MRPS18B: variants seen among roughly 807,000 people sequenced by gnomAD.
The protein encoded by MRPS18B is small ribosomal subunit protein mS40.
In MRPS18B, 27 loss-of-function variants were observed where a neutral mutation model predicts 28.4. The ratio of observed to expected loss-of-function variants is 0.95; its 90% CI spans 0.70 to 1.31. The LOEUF (loss-of-function observed/expected upper bound fraction) is 1.31, where lower values mean the gene tolerates loss of function less well. MRPS18B is among the 40% of genes most tolerant of loss of function. MRPS18B has a pLI of 0.00. For missense variants in MRPS18B, 343 were observed against 335.9 expected (o/e 1.02, Z -0.17); for synonymous variants, 118 against 123.7 (o/e 0.95, Z 0.30).
chr6:30,618,185 G>C (rs980878883), intron 1 of MRPS18B, among the ~76,000 whole-genome samples: 2 of 151,266 alleles, frequency 1.3e-5, no homozygotes, highest in African/African-American at 4.9e-5. Context: ...TAACTTAAGT[G>C]ATGGAATTGA....
At chr6:30,620,668 C>T (rs1761101484) in intron 4 of MRPS18B, among the ~76,000 whole-genome samples, 1 of 151,876 alleles carries the variant, frequency 6.6e-6, no homozygotes, top group Non-Finnish European at 1.5e-5. Context: ...CTTCTGGGTT[C>T]AAGCGATTCT....
intron 4 of MRPS18B, among the ~76,000 whole-genome samples, chr6:30,622,572 A>C (rs1761228231): frequency 6.6e-6 from 1 of 150,844 alleles, no homozygotes; most frequent in African/African-American, 2.4e-5. Flanking sequence ...AAAAAAAAAA[A>C]AAAAAAAAAA....
rs1045311675 is a variant in MRPS18B, at chr6:30,623,139, C to T, written c.421+241C>T. The stretch of plus-strand genomic sequence containing the variant: ...ATCCCAGCACTTTGGGAGGCCGAGG[C>T]GGCTGGATCACCTGAGGTTGGGAGT... On this transcript the variant is annotated intron_variant, in intron 5 of 6. Transcript: ENST00000259873. 6.6e-6 allele frequency among the ~76,000 whole-genome samples: 1 copy of T among 152,102 alleles called. No homozygotes were observed. Among genetic ancestry groups the T allele is most frequent in the African/African-American group, 2.4e-5 (1 of 41,424 alleles).
At position 30,624,906 on chromosome 6, in the gene MRPS18B, C is replaced by T. The variant is rs151108350; in HGVS notation, c.445C>T (p.Arg149Trp). Residue 149 changes from arginine (R) to tryptophan (W), a missense_variant, in exon 6 of 7, where the codon CGG becomes TGG. Arg to Trp is a moderately radical substitution (Grantham distance 101). Coordinates refer to ENST00000259873, the MANE Select transcript of MRPS18B (RefSeq NM_014046.4). ...YTGVCVKQHK[R>W]LTQAIQKARD... ...AGGAGTCTGTGTGAAGCAGCACAAG[C>T]GGTTGACCCAGGCCATCCAGAAAGC... The T allele has an allele frequency of 1.1e-5, 18 of 1,612,836 alleles. No individual in the cohort carries two copies. The highest frequency in any genetic ancestry group is 4.0e-5 in the African/African-American group (3 of 74,902).
At chr6:30,618,085 C>A (rs889363442) in intron 1 of MRPS18B, 142 bp downstream of exon 1, 9 of 807,260 alleles carry the variant, frequency 1.1e-5, no homozygotes, top group Admixed American at 6.8e-5. Context: ...CAACCCCCCC[C>A]CCACACCCCG....
In MRPS18B at chr6:30,625,250, G is replaced by C. The variant is rs139351978; in HGVS notation, c.482-252G>C. 4.6e-5 allele frequency among the ~76,000 whole-genome samples: 7 copies of C among 152,254 alleles called. No homozygotes were observed. The East Asian group carries it at 1.4e-3, about 29-fold the overall frequency. On this transcript the variant is annotated intron_variant, in intron 6 of 6. Coordinates refer to ENST00000259873, the MANE Select transcript of MRPS18B (RefSeq NM_014046.4). ...GCACTGCTGCATAAGTTAGTAAAAA[G>C]TATACCCCTCTGCTAGGGCAGATGC...
At chr6:30,624,233 C>T (rs1430155583) in intron 5 of MRPS18B, among the ~76,000 whole-genome samples, 1 of 152,128 alleles carries the variant, frequency 6.6e-6, no homozygotes, top group Non-Finnish European at 1.5e-5. Flanking sequence ...GCTGGGATTA[C>T]AGGCACGTGC....
rs1016791077 is a variant in MRPS18B at position 30,617,943 on chromosome 6, G to T, written c.78G>T (p.Gln26His). 1 of 1,614,136 alleles carries T rather than the reference G, an allele frequency of 6.2e-7. No homozygotes were observed. The highest frequency in any genetic ancestry group is 2.2e-5 in the East Asian group (1 of 44,886). ...LSLFRGSHRV[Q>H]VPLQTLCTKA... Reference sequence around the variant, plus strand: ...TCTTCCGAGGTTCTCACAGAGTTCAGGTAACTCTTCGAAAGACATTTTGCA... The same window carrying T: ...TCTTCCGAGGTTCTCACAGAGTTCATGTAACTCTTCGAAAGACATTTTGCA... Residue 26 changes from glutamine to histidine, a missense_variant and splice_region_variant, in exon 1 of 7, where the codon CAG becomes CAT. Transcript: ENST00000259873.
At chr6:30,620,241 C>T (rs376042706) in intron 4 of MRPS18B, 11 of 448,904 alleles carry the variant, frequency 2.5e-5, no homozygotes, top group South Asian at 1.1e-4. Context: ...GGCGTGAACC[C>T]GGGAGGCAGA....
At chr6:30,618,402 C>T (rs1262776749) in intron 1 of MRPS18B, among the ~76,000 whole-genome samples, 2 of 152,200 alleles carry the variant, frequency 1.3e-5, no homozygotes, top group Non-Finnish European at 2.9e-5. Flanking sequence ...ATCCCAATTT[C>T]TACCAACCTT....
chr6:30,626,039 C>T lies in MRPS18B; in HGVS notation c.*242C>T, dbSNP rs1761563299. On this transcript the variant is annotated 3_prime_UTR_variant, in exon 7 of 7. Transcript: ENST00000259873. ...ACTTGATCCCAGGAGGCGGAGGTTG[C>T]AGTGAGTTGCAGTCACACCCCTGCA... The T allele has an allele frequency of 8.4e-6, 4 of 476,288 alleles. No individual in the cohort carries two copies. The highest frequency in any genetic ancestry group is 3.7e-5 in the South Asian group (1 of 27,346). The allele number at this position is 476,288 out of a possible 1,614,324, so 29.5% of individuals were successfully genotyped here.
At chr6:30,624,848 G>T in intron 5 of MRPS18B, 35 bp from the exon 6 acceptor site, 1 of 1,609,424 alleles carries the variant, frequency 6.2e-7, no homozygotes, top group Non-Finnish European at 8.5e-7. Flanking sequence ...ATTATTTACT[G>T]TGCCTTAAAG....
At position 30,625,849 on chromosome 6, in the gene MRPS18B, C is replaced by T; in HGVS notation, c.*52C>T. ...GGCGTGGTGGCTCACTCCTGTAATC[C>T]CAGCACTTTGGGAAGCCAAGGTGGG... On this transcript the variant is annotated 3_prime_UTR_variant, in exon 7 of 7. Coordinates refer to ENST00000259873, the MANE Select transcript of MRPS18B (RefSeq NM_014046.4). The T allele has an allele frequency of 1.3e-6, 2 of 1,539,816 alleles. No homozygotes were observed. The highest frequency in any genetic ancestry group is 1.8e-6 in the Non-Finnish European group (2 of 1,134,364).
At chr6:30,625,066 C>A in intron 6 of MRPS18B, 124 bp downstream of exon 6, 2 of 981,018 alleles carry the variant, frequency 2.0e-6, no homozygotes, top group Non-Finnish European at 3.1e-6. Flanking sequence ...TTCTTCCTGA[C>A]GTTACATTGT....
chr6:30,621,465 C>T (rs1195004396), intron 4 of MRPS18B, among the ~76,000 whole-genome samples: 1 of 152,118 alleles, frequency 6.6e-6, no homozygotes, highest in Non-Finnish European at 1.5e-5. Flanking sequence ...GGAAAGTGTT[C>T]TTCTGAGCTT....
In MRPS18B at chr6:30,619,694, G is replaced by A; in HGVS notation, c.188-15G>A. The A allele has an allele frequency of 6.2e-7, 1 of 1,613,324 alleles. No individual in the cohort carries two copies. Among genetic ancestry groups the A allele is most frequent in the African/African-American group, 1.3e-5 (1 of 75,048 alleles). On this transcript the variant is annotated splice_polypyrimidine_tract_variant and intron_variant, in intron 2 of 6. Transcript: ENST00000259873. ...ACTCCCACCCAGGAATAACTTGTAT[G>A]ATCTTTCATTTCAGAATACCAGGAG...
At chr6:30,622,963 G>C in intron 5 of MRPS18B, 65 bp downstream of exon 5, 1 of 1,520,928 alleles carries the variant, frequency 6.6e-7, no homozygotes. Context: ...TTATGTAGTT[G>C]GCCAATAGGT....
Position 30,625,708 on chromosome 6 carries a change from C to A in MRPS18B, c.688C>A (p.Pro230Thr). 1 of 1,612,960 alleles carries A rather than the reference C, an allele frequency of 6.2e-7. No homozygotes were observed. Among genetic ancestry groups the A allele is most frequent in the East Asian group, 2.2e-5 (1 of 44,880 alleles). ...GGGTCATCTCCAAGAAGAGAGTGGC[C>A]CCCCACCTGAGTCAATGCCCAAGAT... ...YQGHLQEESGPPPESMPKMPP... is the reference protein window; with the variant it reads ...YQGHLQEESGTPPESMPKMPP... The change falls in exon 7 of 7, where the codon CCC (proline) becomes ACC (threonine). Residue 230 changes from proline (P) to threonine (T), a missense_variant. Coordinates refer to ENST00000259873, the MANE Select transcript of MRPS18B (RefSeq NM_014046.4).
Position 30,625,751 on chromosome 6 carries a change from C to G in MRPS18B, c.731C>G (p.Ala244Gly). ...CCCAAGATGCCCCCTAGAACACCAG[C>G]GGAAGCCTCCTCCACTGGGCAGACA... is the stretch of plus-strand genomic sequence containing the variant. ...SMPKMPPRTP[A>G]EASSTGQTGP... is the part of the protein sequence containing the mutation. The change falls in exon 7 of 7, where the codon GCG becomes GGG. Residue 244 changes from alanine (A) to glycine (G), a missense_variant. Ala to Gly is a moderately conservative substitution (Grantham distance 60). Coordinates refer to ENST00000259873, the MANE Select transcript of MRPS18B (RefSeq NM_014046.4). 1 of 1,612,940 alleles carries G rather than the reference C, an allele frequency of 6.2e-7. No homozygotes were observed. Among genetic ancestry groups the G allele is most frequent in the Non-Finnish European group, 8.5e-7 (1 of 1,179,910 alleles).
Sources: allele counts gnomAD v4.1 joint callset (sites outside exome capture counted in the v4.1 genomes callset), GRCh38; gene constraint gnomAD v4.1.1; transcripts MANE v1.5; gene names NCBI Gene and HGNC (gene_info 2026-07-23, HGNC 2026-07-21).